DROSHA: variants seen among roughly 807,000 people sequenced by gnomAD.
DROSHA encodes the protein drosha ribonuclease III, also known as ribonuclease 3.
Under a neutral mutation model 181.9 loss-of-function variants are expected in DROSHA, and 56 were observed. The observed-to-expected ratio is 0.31, with a 90% CI of 0.25 to 0.38. The LOEUF is 0.38. Ranked by LOEUF, DROSHA falls within the 10% of genes least tolerant of loss-of-function variation. The pLI, the probability that DROSHA is intolerant of heterozygous loss-of-function variation, is 1.00. For missense variants in DROSHA, 1,218 were observed against 1,743.5 expected, an observed-to-expected ratio of 0.70 and a Z score of 5.37; for synonymous variants, 524 against 591.2, an observed-to-expected ratio of 0.89 and a Z score of 1.65.
chr5:31,450,629 G>T (rs571548879), intron 21 of DROSHA, among the ~76,000 whole-genome samples: 2 of 152,230 alleles, frequency 1.3e-5, no homozygotes, highest in Admixed American at 6.5e-5. Context: ...GCTAAGCTAT[G>T]GGTACCCAGG....
rs779934563 is a variant in DROSHA, at chr5:31,493,264, A to G, written c.1785T>C (p.Asp595=). ...ATCCTTCAAAGATATACTCGTGATC[A>G]TCGTATTCTATAACAGTTGGCCTGT... ...LTDRPTVIEY[D]DHEYIFEGFS... is the part of the protein sequence containing the mutation. The change falls in exon 13 of 36, where the codon GAT becomes GAC. Residue 595 remains aspartate, a synonymous_variant. Coordinates refer to ENST00000344624, the MANE Select transcript of DROSHA (RefSeq NM_001382508.1). 39 of 1,604,992 alleles carry G rather than the reference A, an allele frequency of 2.4e-5. No individual in the cohort carries two copies. In the East Asian group the frequency reaches 3.6e-4, roughly 15 times the overall value.
chr5:31,481,114 C>T (rs1396289746), intron 16 of DROSHA, among the ~76,000 whole-genome samples: 1 of 151,748 alleles, frequency 6.6e-6, no homozygotes, highest in African/African-American at 2.4e-5. Flanking sequence ...TTTTAATTCA[C>T]CATTTTCTAA....
intron 27 of DROSHA, among the ~76,000 whole-genome samples, chr5:31,429,037 T>A (rs1347243169): frequency 6.6e-6 from 1 of 152,158 alleles, no homozygotes; most frequent in Non-Finnish European, 1.5e-5. Context: ...GAACTGACAT[T>A]TAAAAATAAA....
At chr5:31,479,135 T>TA (rs886610063) in intron 16 of DROSHA, among the ~76,000 whole-genome samples, 29 of 148,776 alleles carry the variant, frequency 1.9e-4, no homozygotes, top group African/African-American at 5.7e-4. Flanking sequence ...TATCTGAGTT[T>TA]AAAAAAAAAA....
At chr5:31,408,923 C>G in intron 33 of DROSHA, 133 bp downstream of exon 33, 2 of 797,810 alleles carry the variant, frequency 2.5e-6, no homozygotes, top group Non-Finnish European at 3.9e-6. Context: ...CAAAGTCACA[C>G]TAACAGCCAA....
At chr5:31,530,743 G>A (rs1420024445) in intron 3 of DROSHA, 55 bp downstream of exon 3, 1 of 396,172 alleles carries the variant, frequency 2.5e-6, no homozygotes, top group African/African-American at 2.1e-5. Flanking sequence ...GATTCCCTTA[G>A]GTAATCCCAT....
At chr5:31,452,821 G>A (rs910063974) in intron 20 of DROSHA, among the ~76,000 whole-genome samples, 4 of 152,196 alleles carry the variant, frequency 2.6e-5, no homozygotes, top group African/African-American at 7.2e-5. Flanking sequence ...CAATATGTGT[G>A]GAAGACAGAA....
At chr5:31,459,621 A>C (rs1231851106) in intron 20 of DROSHA, among the ~76,000 whole-genome samples, 2 of 152,224 alleles carry the variant, frequency 1.3e-5, no homozygotes, top group African/African-American at 4.8e-5. Context: ...TAATTTAGAA[A>C]ATACATCCTT....
intron 13 of DROSHA, among the ~76,000 whole-genome samples, chr5:31,491,626 G>C (rs866052477): frequency 6.6e-6 from 1 of 151,796 alleles, no homozygotes; most frequent in African/African-American, 2.4e-5. Context: ...GTAGATGGTG[G>C]GGGGTGGAGA....
At position 31,411,801 on chromosome 5, in the gene DROSHA, A is replaced by G. The variant is rs1741346241; in HGVS notation, c.3526-914T>C. Among the ~76,000 whole-genome samples, 5 of 151,894 alleles carry G rather than the reference A, an allele frequency of 3.3e-5. No homozygotes were observed. The South Asian group carries it at 1.0e-3, about 32-fold the overall frequency. ...GCCAACATGCCCAGCTAATTTTTGT[A>G]TTTTTTGTAGAGACAGGGTTTCACC... On this transcript the variant is annotated intron_variant, in intron 30 of 35. Transcript: ENST00000344624. The surrounding 1 kb of genome is among the most constrained non-coding windows in gnomAD (Gnocchi z 4.2).
chr5:31,488,099 G>T (rs562297914), intron 13 of DROSHA, among the ~76,000 whole-genome samples: 1 of 152,168 alleles, frequency 6.6e-6, no homozygotes, highest in South Asian at 2.1e-4. Flanking sequence ...AACCAAAGAG[G>T]AGGTAACATA....
intron 13 of DROSHA, among the ~76,000 whole-genome samples, chr5:31,489,744 C>A (rs185846417): frequency 6.1e-4 from 93 of 152,338 alleles, no homozygotes; most frequent in East Asian, 4.6e-3. Flanking sequence ...CACTGATTGA[C>A]CAAATCCAGG....
intron 35 of DROSHA, among the ~76,000 whole-genome samples, chr5:31,402,463 A>G (rs773212957): frequency 6.6e-6 from 1 of 152,080 alleles, no homozygotes; most frequent in Non-Finnish European, 1.5e-5. Flanking sequence ...ATTATTGTTC[A>G]ATTTTATTTA....
At chr5:31,512,807 T>G (rs1037575390) in intron 8 of DROSHA, among the ~76,000 whole-genome samples, 1 of 152,194 alleles carries the variant, frequency 6.6e-6, no homozygotes, top group Non-Finnish European at 1.5e-5. Context: ...GCACATGGCC[T>G]GGAGGAACCA....
chr5:31,444,122 C>T (rs1323150662), intron 23 of DROSHA, among the ~76,000 whole-genome samples: 2 of 152,130 alleles, frequency 1.3e-5, no homozygotes, highest in Non-Finnish European at 2.9e-5. Context: ...GATCAGCACA[C>T]GGGGAAGGGA....
chr5:31,479,329 A>T (rs549439799), intron 16 of DROSHA, among the ~76,000 whole-genome samples: 1 of 152,244 alleles, frequency 6.6e-6, no homozygotes, highest in South Asian at 2.1e-4. Flanking sequence ...ACATACACAC[A>T]GAGTCAACTC....
intron 18 of DROSHA, chr5:31,467,359 C>T (rs1377504302): frequency 1.3e-5 from 2 of 151,180 alleles, no homozygotes; most frequent in African/African-American, 4.8e-5. Context: ...CAAACAGTCC[C>T]GAAGAATCTA....
At chr5:31,410,165 A>T (rs186011279) in intron 31 of DROSHA, among the ~76,000 whole-genome samples, 1 of 152,202 alleles carries the variant, frequency 6.6e-6, no homozygotes, top group Non-Finnish European at 1.5e-5. Context: ...ATACCGTAAC[A>T]TTAAAAAAAA....
chr5:31,526,112 G>A lies in DROSHA; in HGVS notation c.821C>T (p.Thr274Ile), dbSNP rs760626190. The part of the protein sequence containing the change: ...RYRSDYDRGR[T>I]PSRHRSYERS... ...TTCGTAGCTGCGGTGGCGAGATGGT[G>A]TTCTCCCTCGGTCATAATCAGATCT... The change falls in exon 5 of 36, where the codon ACA becomes ATA. Residue 274 changes from threonine to isoleucine, a missense_variant. Thr to Ile is a moderately conservative substitution (Grantham distance 89, BLOSUM62 -1). Around this residue, in one of 8 missense-constraint regions of DROSHA, gnomAD observed 536 missense variants for 535.4 expected, o/e 1.00. Transcript: ENST00000344624. 1 of 1,601,408 alleles carries A rather than the reference G, an allele frequency of 6.2e-7. No homozygotes were observed. The highest frequency in any genetic ancestry group is 8.5e-7 in the Non-Finnish European group (1 of 1,169,716).
Sources: gnomAD v4.1 joint callset for allele counts (sites outside exome capture counted in the v4.1 genomes callset) on GRCh38, gnomAD v4.1.1 for gene constraint, gnomAD v4.1.1 regional missense constraint, Gnocchi (gnomAD v3.1) non-coding constraint, MANE v1.5 for transcripts, NCBI Gene and HGNC (gene_info 2026-07-23, HGNC 2026-07-21) for gene names.